Variants in SCUBE1 observed in about 807,000 individuals in gnomAD.
The protein encoded by SCUBE1 is signal peptide, CUB domain and EGF like domain containing 1, also known as signal peptide, CUB and EGF-like domain-containing protein 1.
Under a neutral mutation model 124.4 loss-of-function variants are expected in SCUBE1, and 59 were observed. That is an observed-to-expected ratio of 0.47 (90% CI 0.38 to 0.59). The LOEUF (loss-of-function observed/expected upper bound fraction) is 0.59, where lower values mean the gene tolerates loss of function less well. Ranked by LOEUF, SCUBE1 falls within the 20% of genes least tolerant of loss-of-function variation. The probability of loss-of-function intolerance (pLI) is 0.00; values close to 1 mark genes in which losing one functional copy is unlikely to be tolerated. For synonymous variants in SCUBE1, 545 were observed against 550.9 expected (o/e 0.99, Z 0.15); for missense variants, 1,150 against 1,371.2 (o/e 0.84, Z 2.55).
rs1336104462 is a variant in SCUBE1, at chr22:43,335,892, TTGG to T, written c.220+3209_220+3211del. Among the ~76,000 whole-genome samples the T allele has an allele frequency of 5.9e-5, 7 of 118,496 alleles. No homozygotes were observed. In the South Asian group the frequency reaches 1.1e-3, roughly 18 times the overall value. The allele number at this position is 118,496 out of a possible 152,430, so 77.7% of individuals were successfully genotyped here. A position where few individuals can be genotyped will look rare whatever the true frequency, so the allele number is the denominator to read the frequency against. ...GATGGTGATGATGGTGATGGTGATG[TTGG>T]TGGTGATGATAATGATGATGGTGAT... On this transcript the variant is annotated intron_variant, in intron 2 of 21. Transcript: ENST00000360835.
At chr22:43,206,142 CATTCA>C in intron 21 of SCUBE1, among the ~76,000 whole-genome samples, 1 of 141,284 alleles carries the variant, frequency 7.1e-6, no homozygotes, top group Admixed American at 7.0e-5. Flanking sequence ...ACACCGCCTC[CATTCA>C]CCACACACCC....
At chr22:43,278,602 A>T (rs139674552) in intron 4 of SCUBE1, among the ~76,000 whole-genome samples, 24 of 152,276 alleles carry the variant, frequency 1.6e-4, no homozygotes, top group Middle Eastern at 3.4e-3. Flanking sequence ...GGATCCTATC[A>T]ATATGTGGCT....
intron 4 of SCUBE1, among the ~76,000 whole-genome samples, chr22:43,267,957 C>T (rs1924139115): frequency 6.6e-6 from 1 of 152,234 alleles, no homozygotes; most frequent in Admixed American, 6.5e-5. Context: ...CCAAGCCCTT[C>T]TGCTCTAGGG....
intron 10 of SCUBE1, among the ~76,000 whole-genome samples, chr22:43,226,426 T>TA (rs1555992821): frequency 6.6e-6 from 1 of 151,294 alleles, no homozygotes; most frequent in Non-Finnish European, 1.5e-5. Context: ...AGTGCTGGTG[T>TA]GGGGGGGCCC....
At chr22:43,336,362 C>T (rs191552257) in intron 2 of SCUBE1, among the ~76,000 whole-genome samples, 56 of 152,314 alleles carry the variant, frequency 3.7e-4, no homozygotes, top group Non-Finnish European at 7.9e-4. Context: ...ACCCCACACT[C>T]CGCACTCCCC....
At position 43,210,192 on chromosome 22, in the gene SCUBE1, G is replaced by C. The variant is rs749737021; in HGVS notation, c.2432C>G (p.Ser811Cys). ...TGGGTAGTCGCCAGGGTAGTTGGGG[G>C]ACTCGATGTAGCCGGTGTAGTCACC... ...ELGDYTGYIE[S>C]PNYPGDYPAN... is the part of the protein sequence containing the mutation. Residue 811 changes from serine (S) to cysteine (C), a missense_variant, in exon 19 of 22, where the codon TCC becomes TGC. By Grantham distance (112) the Ser-to-Cys change is moderately radical. Coordinates refer to ENST00000360835, the MANE Select transcript of SCUBE1 (RefSeq NM_173050.5). This position sits in a 1 kb window ranked among gnomAD's most constrained non-coding sequence, Gnocchi z 4.5. 6.3e-7 allele frequency: 1 copy of C among 1,598,688 alleles called. No homozygotes were observed. The highest frequency in any genetic ancestry group is 1.1e-5 in the South Asian group (1 of 89,166).
intron 4 of SCUBE1, among the ~76,000 whole-genome samples, chr22:43,280,378 GTCCCCTCACCCATCCCCCGTCCCT>G (rs1569009193): frequency 9.3e-4 from 134 of 144,180 alleles, no homozygotes; most frequent in Non-Finnish European, 1.2e-3. Flanking sequence ...GTCTCTCACC[GTCCCCTCACCCATCCCCCGTCCCT>G]TCCCCTCACC....
chr22:43,266,199 G>C (rs992476221), intron 4 of SCUBE1, among the ~76,000 whole-genome samples: 1 of 152,116 alleles, frequency 6.6e-6, no homozygotes, highest in Non-Finnish European at 1.5e-5. Flanking sequence ...GCCCCAGTCA[G>C]GCCCGCGCGA....
chr22:43,312,085 T>C (rs1035491369), intron 3 of SCUBE1, among the ~76,000 whole-genome samples: 27 of 152,190 alleles, frequency 1.8e-4, no homozygotes, highest in African/African-American at 6.5e-4. Flanking sequence ...CACTTTCTGG[T>C]GCAAAATCAG....
At chr22:43,333,629 C>T (rs768183083) in intron 2 of SCUBE1, among the ~76,000 whole-genome samples, 2 of 152,202 alleles carry the variant, frequency 1.3e-5, no homozygotes, top group Non-Finnish European at 2.9e-5. Flanking sequence ...AGAGAAAGTA[C>T]ATTTCGGGCA....
chr22:43,221,334 G>C, intron 12 of SCUBE1, 45 bp from the exon 13 acceptor site: 1 of 1,257,776 alleles, frequency 8.0e-7, no homozygotes, highest in East Asian at 2.3e-5. Flanking sequence ...TCTCCTGCAG[G>C]CAAGGAGGTG....
At chr22:43,266,176 G>T (rs1391529363) in intron 4 of SCUBE1, among the ~76,000 whole-genome samples, 1 of 152,088 alleles carries the variant, frequency 6.6e-6, no homozygotes, top group Non-Finnish European at 1.5e-5. Flanking sequence ...GAACAAGGAG[G>T]GTGCCCTGAG....
chr22:43,323,709 G>A (rs1423114446), intron 2 of SCUBE1, among the ~76,000 whole-genome samples: 1 of 151,670 alleles, frequency 6.6e-6, no homozygotes, highest in Non-Finnish European at 1.5e-5. Context: ...GTACACTCAC[G>A]CTCATGCACA....
At chr22:43,245,875 C>T (rs1923190501) in intron 6 of SCUBE1, among the ~76,000 whole-genome samples, 2 of 152,200 alleles carry the variant, frequency 1.3e-5, no homozygotes, top group African/African-American at 4.8e-5. Flanking sequence ...GGCCTCAATT[C>T]CAGGATGCGC....
intron 10 of SCUBE1, among the ~76,000 whole-genome samples, chr22:43,226,484 C>A (rs1922311073): frequency 6.6e-6 from 1 of 152,000 alleles, no homozygotes; most frequent in African/African-American, 2.4e-5. Context: ...CTGGTGGAGG[C>A]CCTGCGAAGT....
At chr22:43,214,046 C>CCGGGGGGGGGGGGGGGG in intron 16 of SCUBE1, 44 bp downstream of exon 16, 2 of 422,702 alleles carry the variant, frequency 4.7e-6, no homozygotes, top group Non-Finnish European at 8.3e-6. Flanking sequence ...GAGGAGCCCC[C>CCGGGGGGGGGGGGGGGG]GCCCACCCCC....
Position 43,314,439 on chromosome 22 carries a change from C to T in SCUBE1, c.349+5498G>A, listed in dbSNP as rs1037946772. Among the ~76,000 whole-genome samples, 31 of 152,114 alleles carry T rather than the reference C, an allele frequency of 2.0e-4. 1 individual carries two copies. The highest frequency in any genetic ancestry group is 7.5e-4 in the African/African-American group (31 of 41,422). On this transcript the variant is annotated intron_variant, in intron 3 of 21. Transcript: ENST00000360835. ...AGTGCTGTTGCCCTGGGCCCCCACA[C>T]TTTGGGGGTCCCTGTTCTGCCTCTC...
intron 4 of SCUBE1, among the ~76,000 whole-genome samples, chr22:43,286,776 AAATG>A (rs113510685): frequency 1.3e-5 from 2 of 151,972 alleles, no homozygotes; most frequent in South Asian, 2.1e-4. Context: ...GCACACGAAT[AAATG>A]AATGAATGAA....
chr22:43,297,435 G>C (rs576013804), intron 3 of SCUBE1, among the ~76,000 whole-genome samples: 1 of 152,240 alleles, frequency 6.6e-6, no homozygotes, highest in Non-Finnish European at 1.5e-5. Context: ...TCTGGAGGCC[G>C]GGGTGGCGGC....
Sources: allele counts gnomAD v4.1 joint callset (sites outside exome capture counted in the v4.1 genomes callset), GRCh38; gene constraint gnomAD v4.1.1; non-coding constraint Gnocchi (gnomAD v3.1); transcripts MANE v1.5; gene names NCBI Gene and HGNC (gene_info 2026-07-23, HGNC 2026-07-21).